The following MAN2B1 variants were observed in gnomAD, a reference collection of about 807,000 sequenced individuals.
MAN2B1 encodes mannosidase alpha class 2B member 1, also known as lysosomal alpha-mannosidase.
In MAN2B1, 99 loss-of-function variants were observed where a neutral mutation model predicts 127.5. The ratio of observed to expected loss-of-function variants is 0.78; its 90% CI spans 0.66 to 0.92. The LOEUF (loss-of-function observed/expected upper bound fraction) is 0.92. MAN2B1 is among the 40% of genes least tolerant of loss of function. The pLI is 0.00. For missense variants in MAN2B1, 1,304 were observed against 1,384.8 expected, an observed-to-expected ratio of 0.94 and a Z score of 0.93; for synonymous variants, 573 against 568.8, an observed-to-expected ratio of 1.01 and a Z score of -0.11.
chr19:12,650,161 A>G lies in MAN2B1; in HGVS notation c.2108T>C (p.Leu703Pro). Residue 703 changes from leucine (L) to proline (P), a missense_variant, in exon 17 of 24, where the codon CTG (leucine) becomes CCG (proline). Physicochemically the swap from Leu to Pro is moderately conservative, Grantham distance 98. Transcript: ENST00000456935. ...FSAWCSQVVR[L>P]YPGQRHLELE... ...CTCCAGGTGCCGCTGTCCTGGGTAC[A>G]GGCGAACCACCTGGGAACACCAAGC... 1 of 1,614,044 alleles carries G rather than the reference A, an allele frequency of 6.2e-7. No individual in the cohort carries two copies. The highest frequency in any genetic ancestry group is 8.5e-7 in the Non-Finnish European group (1 of 1,180,012).
chr19:12,647,772 T>C lies in MAN2B1; in HGVS notation c.2665-174A>G. On this transcript the variant is annotated intron_variant, in intron 21 of 23. Coordinates refer to ENST00000456935, the MANE Select transcript of MAN2B1 (RefSeq NM_000528.4). The surrounding 1 kb of genome is among the most constrained non-coding windows in gnomAD (Gnocchi z 4.9). The stretch of plus-strand genomic sequence containing the variant: ...GCCGTGACAGGGAGGACTGAGCCAA[T>C]GGGGAGATGGGTCGGTCCCAAGCTT... The C allele has an allele frequency of 1.6e-6, 1 of 616,756 alleles. No individual in the cohort carries two copies. The highest frequency in any genetic ancestry group is 2.9e-5 in the Admixed American group (1 of 34,180). 38.2% of individuals were successfully genotyped at this position (616,756 alleles called of 1,614,324 possible). A position where few individuals can be genotyped will look rare whatever the true frequency, so the allele number is the denominator to read the frequency against.
At position 12,657,527 on chromosome 19, in the gene MAN2B1, G is replaced by A. The variant is rs1306614679; in HGVS notation, c.1338C>T (p.His446=). Residue 446 remains histidine (H), a synonymous_variant, in exon 11 of 24, where the codon CAC becomes CAT. Transcript: ENST00000456935. ...GGCGGGAGGTGCCGCTGACGGCGTC[G>A]TGATGCTGGAGCACAGCCATCGCCT... ...LNEAMAVLQH[H]DAVSGTSRQH... is the part of the protein sequence containing the mutation. 2 of 1,565,776 alleles carry A rather than the reference G, an allele frequency of 1.3e-6. No individual in the cohort carries two copies. Among genetic ancestry groups the A allele is most frequent in the Admixed American group, 3.8e-5 (2 of 53,000 alleles).
intron 6 of MAN2B1, among the ~76,000 whole-genome samples, chr19:12,663,081 C>T (rs1028388867): frequency 1.3e-5 from 2 of 151,798 alleles, no homozygotes; most frequent in Non-Finnish European, 2.9e-5. Flanking sequence ...GCCTGGACAA[C>T]ATGATGAGAC....
chr19:12,660,984 C>A, intron 7 of MAN2B1: 1 of 379,974 alleles, frequency 2.6e-6, no homozygotes, highest in Non-Finnish European at 5.1e-6. Context: ...GTCTCGAATT[C>A]CTGACCTCGT....
Position 12,649,424 on chromosome 19 carries a change from C to T in MAN2B1, c.2272G>A (p.Asp758Asn). ...NGREILERRR[D>N]YRPTWKLNQT... ...TTCAGTTTCCAGGTGGGTCGATAAT[C>T]CCGCCTGGGGTTGGGGGTGAGCTGA... Residue 758 changes from aspartate to asparagine, a missense_variant, in exon 19 of 24, where the codon GAT becomes AAT. By Grantham distance (23) the Asp-to-Asn change is conservative (BLOSUM62 1). Coordinates refer to ENST00000456935, the MANE Select transcript of MAN2B1 (RefSeq NM_000528.4). The T allele has an allele frequency of 3.1e-6, 5 of 1,599,524 alleles. No individual in the cohort carries two copies. Among genetic ancestry groups the T allele is most frequent in the Non-Finnish European group, 4.3e-6 (5 of 1,172,662 alleles).
rs1013850757 is a variant in MAN2B1 at position 12,657,996 on chromosome 19, G to T, written c.1309+67C>A. ...AAAAAAAAAAAGAAGAAACTCGAGG[G>T]GGGCGGCCTAGGGGTGGTTTCCAAC... On this transcript the variant is annotated intron_variant, in intron 10 of 23. Coordinates refer to ENST00000456935, the MANE Select transcript of MAN2B1 (RefSeq NM_000528.4). 7.2e-6 allele frequency: 9 copies of T among 1,252,576 alleles called. No individual in the cohort carries two copies. In the African/African-American group the frequency reaches 1.3e-4, roughly 19 times the overall value. The allele number at this position is 1,252,576 out of a possible 1,614,324, so 77.6% of individuals were successfully genotyped here. A position where few individuals can be genotyped will look rare whatever the true frequency, so the allele number is the denominator to read the frequency against.
intron 15 of MAN2B1, 43 bp downstream of exon 15, chr19:12,652,320 G>C (rs374337150): frequency 6.2e-7 from 1 of 1,608,724 alleles, no homozygotes; most frequent in South Asian, 1.1e-5. Context: ...GCTCCATGCC[G>C]AGCACCACCA....
intron 4 of MAN2B1, among the ~76,000 whole-genome samples, chr19:12,664,455 T>C (rs1045838792): frequency 6.6e-6 from 1 of 152,056 alleles, no homozygotes; most frequent in Non-Finnish European, 1.5e-5. Context: ...GCACAGGTAA[T>C]GAACCTGTTT....
In MAN2B1 at chr19:12,657,433, T is replaced by C. The variant is rs752055524; in HGVS notation, c.1419+13A>G. On this transcript the variant is annotated intron_variant, in intron 11 of 23. Transcript: ENST00000456935. Reference sequence around the variant, plus strand: ...TCTCCACCCCCGTGTCTCCCAAGTCTCGCCCCGCGCACCTCGCAAGGCCCC... The same window carrying C: ...TCTCCACCCCCGTGTCTCCCAAGTCCCGCCCCGCGCACCTCGCAAGGCCCC... 1.9e-5 allele frequency: 29 copies of C among 1,546,290 alleles called. No homozygotes were observed. The highest frequency in any genetic ancestry group is 2.7e-5 in the African/African-American group (2 of 72,844).
intron 20 of MAN2B1, among the ~76,000 whole-genome samples, 154 bp downstream of exon 20, chr19:12,648,982 C>T (rs998769917): frequency 2.0e-5 from 3 of 152,146 alleles, no homozygotes. Context: ...ACAACAAGAG[C>T]AAAACTCCGT....
chr19:12,655,538 C>T (rs1341610433), intron 14 of MAN2B1, among the ~76,000 whole-genome samples, 156 bp downstream of exon 14: 2 of 152,182 alleles, frequency 1.3e-5, no homozygotes, highest in Non-Finnish European at 2.9e-5. Flanking sequence ...GACACTGAGG[C>T]TCAGACAAAG....
At position 12,647,997 on chromosome 19, in the gene MAN2B1, G is replaced by C. The variant is rs1007480710; in HGVS notation, c.2664+178C>G. ...AGGGCTGTGCCTCTACACAGTCCAG[G>C]GGGGTTGGGACTGGGCTGGCACTGG... On this transcript the variant is annotated intron_variant, in intron 21 of 23. Transcript: ENST00000456935. This position sits in a 1 kb window ranked among gnomAD's most constrained non-coding sequence, Gnocchi z 4.9. Among the ~76,000 whole-genome samples the C allele has an allele frequency of 2.6e-5, 4 of 152,276 alleles. No individual in the cohort carries two copies. Among genetic ancestry groups the C allele is most frequent in the African/African-American group, 9.6e-5 (4 of 41,546 alleles).
rs1170799731 is a variant in MAN2B1, at chr19:12,666,676, C to T, written c.26G>A (p.Gly9Glu). MGAYARASGVCARGCLDSA... is the reference protein window; with the variant it reads MGAYARASEVCARGCLDSA... ...GTCCAGGCAGCCGCGAGCGCAGACC[C>T]CCGAAGCCCGCGCGTAGGCGCCCAT... is the stretch of plus-strand genomic sequence containing the variant. The change falls in exon 1 of 24, where the codon GGG becomes GAG. Residue 9 changes from glycine (G) to glutamate (E), a missense_variant. Gly to Glu is a moderately conservative substitution (Grantham distance 98). Coordinates refer to ENST00000456935, the MANE Select transcript of MAN2B1 (RefSeq NM_000528.4). 9.0e-6 allele frequency: 14 copies of T among 1,551,166 alleles called. No homozygotes were observed. Among genetic ancestry groups the T allele is most frequent in the Non-Finnish European group, 1.2e-5 (14 of 1,147,636 alleles).
intron 20 of MAN2B1, among the ~76,000 whole-genome samples, chr19:12,648,852 G>A (rs938397813): frequency 3.9e-5 from 6 of 152,230 alleles, no homozygotes; most frequent in African/African-American, 1.4e-4. Flanking sequence ...AAAATTAGCC[G>A]GGCGTGATGG....
In MAN2B1 at chr19:12,657,568, A is replaced by C. The variant is rs1248676612; in HGVS notation, c.1310-13T>G. 6.4e-7 allele frequency: 1 copy of C among 1,550,576 alleles called. No individual in the cohort carries two copies. On this transcript the variant is annotated splice_polypyrimidine_tract_variant and intron_variant, in intron 10 of 23. Coordinates refer to ENST00000456935, the MANE Select transcript of MAN2B1 (RefSeq NM_000528.4). ...GCCATCGCCTCATCTGCTCATAGAC[A>C]ATGAGTCCGGTGAGGTTCTGTGGGA...
At chr19:12,664,062 C>T (rs1054319348) in intron 4 of MAN2B1, among the ~76,000 whole-genome samples, 10 of 152,104 alleles carry the variant, frequency 6.6e-5, no homozygotes, top group Non-Finnish European at 1.2e-4. Context: ...AGACTGTCTA[C>T]AAAAAATTTA....
chr19:12,655,181 G>T (rs756089766), intron 14 of MAN2B1, among the ~76,000 whole-genome samples: 21 of 152,110 alleles, frequency 1.4e-4, no homozygotes, highest in Non-Finnish European at 2.1e-4. Context: ...ACAATGACTG[G>T]CAAAAGCCAA....
rs1244686090 is a variant in MAN2B1, at chr19:12,658,549, G to A, written c.1027-39C>T. ...CGACGGAGTGAGCCCTCGGGAGTCC[G>A]CACCTTCCTGGGGGCCCACACTTCC... On this transcript the variant is annotated intron_variant, in intron 7 of 23. Transcript: ENST00000456935. 7 of 1,582,744 alleles carry A rather than the reference G, an allele frequency of 4.4e-6. No individual in the cohort carries two copies. The South Asian group carries it at 4.4e-5, about 10-fold the overall frequency.
chr19:12,665,506 G>T lies in MAN2B1; in HGVS notation c.282C>A (p.His94Gln). The change falls in exon 3 of 24, where the codon CAC (histidine) becomes CAA (glutamine). Residue 94 changes from histidine (H) to glutamine (Q), a missense_variant. Transcript: ENST00000456935. The stretch of plus-strand genomic sequence containing the variant: ...AGTCCAGGATGTACTGCACACCGGC[G>T]TGCTGGATGTCATTCTTGACTGTGG... The part of the protein sequence containing the change: ...YFYGIKNDIQ[H>Q]AGVQYILDSV... The T allele has an allele frequency of 6.2e-7, 1 of 1,614,180 alleles. No homozygotes were observed. Among genetic ancestry groups the T allele is most frequent in the South Asian group, 1.1e-5 (1 of 91,090 alleles).
Sources: gnomAD v4.1 joint callset for allele counts (sites outside exome capture counted in the v4.1 genomes callset) on GRCh38, gnomAD v4.1.1 for gene constraint, Gnocchi (gnomAD v3.1) non-coding constraint, MANE v1.5 for transcripts, NCBI Gene and HGNC (gene_info 2026-07-23, HGNC 2026-07-21) for gene names.